Variants in PCSK5 observed in about 807,000 individuals in gnomAD.
PCSK5 encodes proprotein convertase subtilisin/kexin type 5.
A neutral mutation model predicts 233.2 loss-of-function variants in PCSK5; 129 were observed. That is an observed-to-expected ratio of 0.55 (90% CI 0.48 to 0.64). The LOEUF (loss-of-function observed/expected upper bound fraction) is 0.64, where lower values mean the gene tolerates loss of function less well. Among genes scored for constraint, PCSK5 ranks in the 30% least tolerant of loss-of-function variants. The pLI, the probability that PCSK5 is intolerant of heterozygous loss-of-function variation, is 0.00. For missense variants in PCSK5, 2,076 were observed against 2,430.1 expected (o/e 0.85, Z 3.06); for synonymous variants, 825 against 879.2 (o/e 0.94, Z 1.09).
chr9:76,100,327 A>T (rs1831703558), intron 8 of PCSK5, among the ~76,000 whole-genome samples: 1 of 152,268 alleles, frequency 6.6e-6, no homozygotes, highest in Non-Finnish European at 1.5e-5. Flanking sequence ...CATGTCTCAC[A>T]TGTAATACAT....
intron 7 of PCSK5, among the ~76,000 whole-genome samples, chr9:76,086,195 C>T (rs1831054832): frequency 6.6e-6 from 1 of 151,792 alleles, no homozygotes; most frequent in Non-Finnish European, 1.5e-5. Flanking sequence ...GTGAGAATAG[C>T]TTTTCTTCTC....
chr9:76,242,293 A>T (rs1294983379), intron 24 of PCSK5, among the ~76,000 whole-genome samples: 1 of 152,094 alleles, frequency 6.6e-6, no homozygotes, highest in Non-Finnish European at 1.5e-5. Flanking sequence ...ATGAATTATA[A>T]TTTATATTGT....
rs985385220 is a variant in PCSK5 at position 76,242,376 on chromosome 9, G to T, written c.3142+1692G>T. Among the ~76,000 whole-genome samples the T allele has an allele frequency of 3.3e-5, 5 of 152,196 alleles. 1 individual carries two copies. Among genetic ancestry groups the T allele is most frequent in the Admixed American group, 6.5e-5 (1 of 15,286 alleles). ...ATAATATCTGTAACTAGAAAATACA[G>T]TTTCTGGAAGCTTAAATACCATTGC... On this transcript the variant is annotated intron_variant, in intron 24 of 37. Coordinates refer to ENST00000674117, the MANE Select transcript of PCSK5 (RefSeq NM_001372043.1).
chr9:76,119,414 C>A (rs1267770306), intron 9 of PCSK5, among the ~76,000 whole-genome samples: 1 of 151,930 alleles, frequency 6.6e-6, no homozygotes, highest in South Asian at 2.1e-4. Flanking sequence ...TATAGGCATA[C>A]CTGATCTTTT....
chr9:75,979,102 C>A (rs1299101926), intron 2 of PCSK5, among the ~76,000 whole-genome samples: 4 of 152,048 alleles, frequency 2.6e-5, no homozygotes, highest in Non-Finnish European at 5.9e-5. Context: ...GATCAGCCCA[C>A]CTTGGCCTCC....
At chr9:75,978,163 T>C (rs1380496291) in intron 2 of PCSK5, among the ~76,000 whole-genome samples, 2 of 152,190 alleles carry the variant, frequency 1.3e-5, no homozygotes, top group Admixed American at 1.3e-4. Flanking sequence ...CTATTTTTTC[T>C]TTTAATAAGG....
chr9:76,217,498 A>T (rs149137177), intron 20 of PCSK5, among the ~76,000 whole-genome samples: 102 of 152,290 alleles, frequency 6.7e-4, no homozygotes, highest in African/African-American at 1.8e-3. Flanking sequence ...TGTGATTATC[A>T]CCATTTTACA....
chr9:76,140,593 A>G (rs558236313), intron 10 of PCSK5, among the ~76,000 whole-genome samples: 2 of 152,252 alleles, frequency 1.3e-5, no homozygotes, highest in South Asian at 4.1e-4. Context: ...GGAGTGGGCT[A>G]GAGAAAATAT....
intron 10 of PCSK5, among the ~76,000 whole-genome samples, chr9:76,140,594 G>C (rs968323866): frequency 6.6e-6 from 1 of 152,026 alleles, no homozygotes; most frequent in African/African-American, 2.4e-5. Flanking sequence ...GAGTGGGCTA[G>C]AGAAAATATA....
Position 76,250,282 on chromosome 9 carries a change from C to T in PCSK5, c.3142+9598C>T, listed in dbSNP as rs529820005. On this transcript the variant is annotated intron_variant, in intron 24 of 37. Transcript: ENST00000674117. ...GCACTGCTGCTCCCCAGCCTGGCGA[C>T]AGAGTGAGACTCTGTCTCAAAATAA... is the stretch of plus-strand genomic sequence containing the variant. 7.2e-5 allele frequency among the ~76,000 whole-genome samples: 11 copies of T among 152,272 alleles called. 1 individual carries two copies. The highest frequency in any genetic ancestry group is 2.6e-4 in the African/African-American group (11 of 41,550).
chr9:76,262,289 A>G (rs1827200995), intron 24 of PCSK5, among the ~76,000 whole-genome samples: 1 of 152,184 alleles, frequency 6.6e-6, no homozygotes, highest in Non-Finnish European at 1.5e-5. Context: ...TAAAGTTCAT[A>G]TGGAACCAAA....
intron 2 of PCSK5, among the ~76,000 whole-genome samples, chr9:75,980,064 A>G (rs1826208870): frequency 6.6e-6 from 1 of 152,218 alleles, no homozygotes; most frequent in African/African-American, 2.4e-5. Context: ...TTCACATTTC[A>G]TCTTATCAAA....
At chr9:76,259,940 G>A (rs763026810) in intron 24 of PCSK5, among the ~76,000 whole-genome samples, 15 of 152,176 alleles carry the variant, frequency 9.9e-5, no homozygotes, top group Admixed American at 5.2e-4. Flanking sequence ...CCTCTCTTCT[G>A]TGAAGCCCTT....
At chr9:76,195,988 G>A (rs1290053263) in intron 20 of PCSK5, 2 of 152,226 alleles carry the variant, frequency 1.3e-5, no homozygotes, top group Non-Finnish European at 2.9e-5. Context: ...AGGAAAGGGT[G>A]GAGGTGCATG....
chr9:76,275,398 G>C (rs1587826440), intron 24 of PCSK5, among the ~76,000 whole-genome samples: 1 of 152,010 alleles, frequency 6.6e-6, no homozygotes, highest in Admixed American at 6.6e-5. Flanking sequence ...TTTTTTGTTT[G>C]TTTGCTTCTT....
chr9:75,901,121 C>T (rs1341420110), intron 1 of PCSK5, among the ~76,000 whole-genome samples: 5 of 152,150 alleles, frequency 3.3e-5, no homozygotes, highest in Non-Finnish European at 5.9e-5. Context: ...GCCTCAATCT[C>T]AGTCACTTAA....
At chr9:76,333,678 A>G (rs1030187384) in intron 34 of PCSK5, among the ~76,000 whole-genome samples, 1 of 152,152 alleles carries the variant, frequency 6.6e-6, no homozygotes, top group Non-Finnish European at 1.5e-5. Flanking sequence ...TTTCTACCCA[A>G]TCAATAACCT....
intron 2 of PCSK5, among the ~76,000 whole-genome samples, chr9:75,933,505 T>C (rs972569496): frequency 8.5e-5 from 13 of 152,238 alleles, no homozygotes; most frequent in Non-Finnish European, 1.6e-4. Flanking sequence ...TCGAAAGTTA[T>C]ATTCCTTATA....
intron 2 of PCSK5, among the ~76,000 whole-genome samples, chr9:75,980,600 C>T (rs1322251403): frequency 3.3e-5 from 5 of 152,020 alleles, no homozygotes; most frequent in East Asian, 1.9e-4. Flanking sequence ...AGAATTTAAA[C>T]GATCTTAATA....
Sources: allele counts gnomAD v4.1 joint callset (sites outside exome capture counted in the v4.1 genomes callset), GRCh38; gene constraint gnomAD v4.1.1; transcripts MANE v1.5; gene names NCBI Gene and HGNC (gene_info 2026-07-23, HGNC 2026-07-21).